ANKFN1: variants seen among roughly 807,000 people sequenced by gnomAD.
The protein encoded by ANKFN1 is ankyrin repeat and fibronectin type III domain containing 1, also known as ankyrin repeat and fibronectin type-III domain-containing protein 1.
ANKFN1 carries 74 observed loss-of-function variants against 108.7 expected under a neutral mutation model. The ratio of observed to expected loss-of-function variants is 0.68; its 90% CI spans 0.56 to 0.83. ANKFN1 has a LOEUF of 0.83. Ranked by LOEUF, ANKFN1 falls within the 40% of genes least tolerant of loss-of-function variation. The probability of loss-of-function intolerance (pLI) is 0.00; values close to 1 mark genes in which losing one functional copy is unlikely to be tolerated. For missense variants in ANKFN1, 1,505 were observed against 1,382.3 expected (o/e 1.09, Z -1.41); for synonymous variants, 547 against 516.2 (o/e 1.06, Z -0.81).
rs967746347 is a variant in ANKFN1, at chr17:56,458,790, C to T, written c.1557+811C>T. On this transcript the variant is annotated intron_variant, in intron 14 of 20. Transcript: ENST00000682825. ...CTACAAATCTGCAGTTACATCAACC[C>T]CAGAAATATGCATAACAGGAATCTA... is the stretch of plus-strand genomic sequence containing the variant. 2.0e-5 allele frequency among the ~76,000 whole-genome samples: 3 copies of T among 152,104 alleles called. No individual in the cohort carries two copies. In the East Asian group the frequency reaches 5.8e-4, roughly 29 times the overall value.
At chr17:56,310,085 G>C (rs1224861014) in intron 3 of ANKFN1, among the ~76,000 whole-genome samples, 1 of 152,072 alleles carries the variant, frequency 6.6e-6, no homozygotes, top group South Asian at 2.1e-4. Flanking sequence ...CAATGACTAG[G>C]GGCGTGTAGT....
intron 4 of ANKFN1, among the ~76,000 whole-genome samples, chr17:56,346,591 A>T (rs2046106578): frequency 6.6e-6 from 1 of 151,920 alleles, no homozygotes; most frequent in African/African-American, 2.4e-5. Context: ...GAATAAAGAC[A>T]TCCTGGATTG....
At chr17:56,378,203 C>G (rs562084593) in intron 8 of ANKFN1, among the ~76,000 whole-genome samples, 1 of 152,152 alleles carries the variant, frequency 6.6e-6, no homozygotes, top group Non-Finnish European at 1.5e-5. Context: ...CAGTTTCTTT[C>G]TCAGGAGAAG....
intron 2 of ANKFN1, among the ~76,000 whole-genome samples, chr17:56,226,365 TGG>T (rs778060747): frequency 2.7e-4 from 41 of 152,196 alleles, no homozygotes; most frequent in Non-Finnish European, 4.9e-4. Flanking sequence ...GTATTATTTA[TGG>T]GCCCAGAAAT....
At chr17:56,421,644 C>A (rs1425805105) in intron 8 of ANKFN1, among the ~76,000 whole-genome samples, 1 of 152,136 alleles carries the variant, frequency 6.6e-6, no homozygotes, top group African/African-American at 2.4e-5. Flanking sequence ...ACTCAGAAAC[C>A]AAGCTTTAGA....
chr17:56,103,263 G>C (rs1282750477), intron 4 of ANKFN1, among the ~76,000 whole-genome samples: 3 of 149,076 alleles, frequency 2.0e-5, no homozygotes, highest in Admixed American at 6.6e-5. Flanking sequence ...AGTTCTGCAG[G>C]CTGCATCCCT....
chr17:56,145,722 C>A (rs997163742), intron 4 of ANKFN1, among the ~76,000 whole-genome samples: 1 of 152,180 alleles, frequency 6.6e-6, no homozygotes, highest in Non-Finnish European at 1.5e-5. Flanking sequence ...CCTCCCAAAT[C>A]TCCTGTCCTC....
rs139181463 is a variant in ANKFN1, at chr17:56,135,667, G to C, written c.288+89342G>C. Among the ~76,000 whole-genome samples, 555 of 152,286 alleles carry C rather than the reference G, an allele frequency of 3.6e-3. 11 individuals are homozygous for C. Among genetic ancestry groups the C allele is most frequent in the Admixed American group, 0.033 (508 of 15,290 alleles). ...TTTCTTGTTCTTCAGGCTCGGAAGT[G>C]ATGTACAGATTAGAGCTTTCTGACC... On this transcript the variant is annotated intron_variant, in intron 4 of 12. Coordinates refer to the ANKFN1 transcript ENST00000635860.
At chr17:56,301,661 T>G (rs2044673638) in intron 3 of ANKFN1, among the ~76,000 whole-genome samples, 1 of 152,226 alleles carries the variant, frequency 6.6e-6, no homozygotes, top group African/African-American at 2.4e-5. Flanking sequence ...CACAGAGCTT[T>G]GAAGGGCTTC....
rs534577801 is a variant in ANKFN1, at chr17:56,212,124, C to T, written c.-70-474C>T. ...GGCATCCTTGTCTTGTTCCAGTTCT[C>T]GGGGGAATGCTTTCAATTTTTCCCC... On this transcript the variant is annotated intron_variant, in intron 1 of 20. Transcript: ENST00000682825. 9.7e-4 allele frequency among the ~76,000 whole-genome samples: 147 copies of T among 151,526 alleles called. 6 individuals are homozygous for T. Among genetic ancestry groups the T allele is most frequent in the Middle Eastern group, 3.4e-3 (1 of 294 alleles).
intron 1 of ANKFN1, among the ~76,000 whole-genome samples, chr17:56,169,451 A>G (rs1910451238): frequency 6.6e-6 from 1 of 152,066 alleles, no homozygotes; most frequent in Admixed American, 6.6e-5. Flanking sequence ...TTAATGTTTT[A>G]TTGAGACAAA....
chr17:56,456,675 C>T (rs949269628), intron 11 of ANKFN1, among the ~76,000 whole-genome samples, 186 bp from the exon 12 acceptor site: 11 of 151,836 alleles, frequency 7.2e-5, no homozygotes, highest in Middle Eastern at 3.2e-3. Flanking sequence ...GGATTACCAG[C>T]GAGAGCCACC....
At chr17:56,351,389 A>C (rs1373151243) in intron 5 of ANKFN1, among the ~76,000 whole-genome samples, 1 of 152,088 alleles carries the variant, frequency 6.6e-6, no homozygotes, top group Non-Finnish European at 1.5e-5. Flanking sequence ...CAAAGAATGC[A>C]CATGTATTAT....
chr17:56,169,033 G>T (rs1910408591), intron 1 of ANKFN1, among the ~76,000 whole-genome samples: 1 of 152,154 alleles, frequency 6.6e-6, no homozygotes. Flanking sequence ...TGATCCAGAA[G>T]GCAGGGGGAG....
chr17:56,262,181 G>A (rs1485414560), intron 3 of ANKFN1, among the ~76,000 whole-genome samples: 1 of 152,162 alleles, frequency 6.6e-6, no homozygotes, highest in East Asian at 1.9e-4. Flanking sequence ...AAGCTAGAGA[G>A]GATTGAAGGC....
At chr17:56,425,437 T>C (rs558013486) in intron 8 of ANKFN1, among the ~76,000 whole-genome samples, 94 of 152,356 alleles carry the variant, frequency 6.2e-4, no homozygotes, top group African/African-American at 2.1e-3. Flanking sequence ...AGAGAAATTT[T>C]CCTAAAATGC....
At chr17:56,079,739 G>T (rs1447884794) in intron 4 of ANKFN1, among the ~76,000 whole-genome samples, 1 of 152,174 alleles carries the variant, frequency 6.6e-6, no homozygotes, top group Non-Finnish European at 1.5e-5. Context: ...AGGATAAAAG[G>T]GAGCTTTGCA....
chr17:56,399,089 G>A (rs2047674094), intron 8 of ANKFN1, among the ~76,000 whole-genome samples: 1 of 151,964 alleles, frequency 6.6e-6, no homozygotes. Flanking sequence ...CAATAAGAAG[G>A]CTACTGGGCT....
At chr17:56,197,273 A>G (rs897506841) in intron 1 of ANKFN1, among the ~76,000 whole-genome samples, 1 of 152,194 alleles carries the variant, frequency 6.6e-6, no homozygotes. Context: ...ACAATATTTT[A>G]TCGATTACAG....
Sources: allele counts gnomAD v4.1 joint callset (sites outside exome capture counted in the v4.1 genomes callset), GRCh38; gene constraint gnomAD v4.1.1; transcripts MANE v1.5; gene names NCBI Gene and HGNC (gene_info 2026-07-23, HGNC 2026-07-21).